The following ABCF1 variants were observed in gnomAD, a reference collection of about 807,000 sequenced individuals.
ABCF1 encodes the protein ATP-binding cassette sub-family F member 1.
Under a neutral mutation model 126.3 loss-of-function variants are expected in ABCF1, and 73 were observed. The ratio of observed to expected loss-of-function variants is 0.58; its 90% CI spans 0.48 to 0.70. The LOEUF is 0.70. Ranked by LOEUF, ABCF1 falls within the 30% of genes least tolerant of loss-of-function variation. ABCF1 has a pLI of 0.00. For missense variants in ABCF1, 786 were observed against 1,057.5 expected (o/e 0.74, Z 3.56); for synonymous variants, 345 against 396.4 (o/e 0.87, Z 1.54).
rs768348606 is a variant in ABCF1 at position 30,579,966 on chromosome 6, C to G, written c.525C>G (p.Gly175=). 5 of 1,611,920 alleles carry G rather than the reference C, an allele frequency of 3.1e-6. No homozygotes were observed. The highest frequency in any genetic ancestry group is 4.2e-6 in the Non-Finnish European group (5 of 1,179,614). Residue 175 remains glycine (G), a synonymous_variant, in exon 7 of 25, where the codon GGC becomes GGG. Coordinates refer to ENST00000326195, the MANE Select transcript of ABCF1 (RefSeq NM_001025091.2). ...VSEEQQPALK[G]KKGKEEKSKG... ...AGGAACAGCAGCCTGCACTCAAGGG[C>G]AAAAAGGGAAAGGAAGAGAAGTCAA...
Position 30,586,028 on chromosome 6 carries a change from G to C in ABCF1, c.1713+37G>C, listed in dbSNP as rs1018195926. On this transcript the variant is annotated intron_variant, in intron 17 of 24. Coordinates refer to ENST00000326195, the MANE Select transcript of ABCF1 (RefSeq NM_001025091.2). This position sits in a 1 kb window ranked among gnomAD's most constrained non-coding sequence, Gnocchi z 4.9. Reference sequence around the variant, plus strand: ...AGGGACTTCTGGGCTGGGGGCCACTGTTCTCTCCTGGCAGTGGAGGAAGAA... The same window carrying C: ...AGGGACTTCTGGGCTGGGGGCCACTCTTCTCTCCTGGCAGTGGAGGAAGAA... The C allele has an allele frequency of 6.3e-7, 1 of 1,595,240 alleles. No individual in the cohort carries two copies. Among genetic ancestry groups the C allele is most frequent in the South Asian group, 1.1e-5 (1 of 89,280 alleles).
At chr6:30,587,989 A>T (rs990713892) in intron 20 of ABCF1, among the ~76,000 whole-genome samples, 2 of 150,746 alleles carry the variant, frequency 1.3e-5, no homozygotes, top group African/African-American at 4.9e-5. Context: ...TGCAACCTCC[A>T]CCTCCCAGGT....
At chr6:30,580,219 C>T (rs910085834) in intron 7 of ABCF1, among the ~76,000 whole-genome samples, 187 bp from the exon 8 acceptor site, 6 of 151,588 alleles carry the variant, frequency 4.0e-5, no homozygotes, top group Admixed American at 1.3e-4. Context: ...TGGTGGCGGG[C>T]GCCTGTAGTC....
Position 30,585,307 on chromosome 6 carries a change from A to G in ABCF1, c.1439A>G (p.Asn480Ser). 1 of 1,613,446 alleles carries G rather than the reference A, an allele frequency of 6.2e-7. No homozygotes were observed. Among genetic ancestry groups the G allele is most frequent in the Non-Finnish European group, 8.5e-7 (1 of 1,179,980 alleles). ...CTGCTGATGCTGGATGAGCCCACCA[A>G]CCACCTGGACCTCAACGCTGTCATC... Reference protein sequence around the residue: ...PTLLMLDEPTNHLDLNAVIWL... With the variant: ...PTLLMLDEPTSHLDLNAVIWL... Residue 480 changes from asparagine to serine, a missense_variant, in exon 15 of 25, where the codon AAC becomes AGC. Transcript: ENST00000326195.
At position 30,586,776 on chromosome 6, in the gene ABCF1, G is replaced by C; in HGVS notation, c.2031+65G>C. 1 of 1,560,912 alleles carries C rather than the reference G, an allele frequency of 6.4e-7. No individual in the cohort carries two copies. Among genetic ancestry groups the C allele is most frequent in the African/African-American group, 1.4e-5 (1 of 73,774 alleles). Reference sequence around the variant, plus strand: ...GAAGACACAGCTGCTTTTGCCAGAAGCTGGAATCAGGGAGCCTCTCGAGAA... The same window carrying C: ...GAAGACACAGCTGCTTTTGCCAGAACCTGGAATCAGGGAGCCTCTCGAGAA... On this transcript the variant is annotated intron_variant, in intron 20 of 24. Coordinates refer to ENST00000326195, the MANE Select transcript of ABCF1 (RefSeq NM_001025091.2). The surrounding 1 kb of genome is among the most constrained non-coding windows in gnomAD (Gnocchi z 4.9).
chr6:30,584,531 C>T lies in ABCF1; in HGVS notation c.1356C>T (p.Phe452=). ...TGCAGAATCGACCCACACAGAAGTT[C>T]TCAGGGGGCTGGCGCATGCGTGTCT... ...PEMQNRPTQK[F]SGGWRMRVSL... Residue 452 remains phenylalanine (F), a synonymous_variant, in exon 14 of 25, where the codon TTC becomes TTT. Coordinates refer to ENST00000326195, the MANE Select transcript of ABCF1 (RefSeq NM_001025091.2). The surrounding 1 kb of genome is among the most constrained non-coding windows in gnomAD (Gnocchi z 4.6). The T allele has an allele frequency of 6.2e-7, 1 of 1,611,402 alleles. No homozygotes were observed. Among genetic ancestry groups the T allele is most frequent in the East Asian group, 2.2e-5 (1 of 44,844 alleles).
chr6:30,578,453 G>A lies in ABCF1; in HGVS notation c.382-17G>A, dbSNP rs780729305. 9 of 1,614,046 alleles carry A rather than the reference G, an allele frequency of 5.6e-6. No individual in the cohort carries two copies. The South Asian group carries it at 9.9e-5, about 18-fold the overall frequency. On this transcript the variant is annotated splice_polypyrimidine_tract_variant and intron_variant, in intron 5 of 24. Transcript: ENST00000326195. Reference sequence around the variant, plus strand: ...CTTGACCATCCTACTGACTTCTGTGGCCCTTTCATTCTCTAGGGTGGTAAT... The same window carrying A: ...CTTGACCATCCTACTGACTTCTGTGACCCTTTCATTCTCTAGGGTGGTAAT...
chr6:30,580,484 A>T lies in ABCF1; in HGVS notation c.643A>T (p.Lys215Ter). The change falls in exon 8 of 25, where the codon AAA (lysine) becomes TAA (stop). Residue 215 changes from lysine to a stop codon, truncating the protein, a stop_gained. Coordinates refer to ENST00000326195, the MANE Select transcript of ABCF1 (RefSeq NM_001025091.2). LOFTEE classifies it high-confidence loss of function. ...EEIIKEKEPP[K>*]QGKEKAKKAE... Reference sequence around the variant, plus strand: ...AATTATAAAGGAAAAGGAGCCTCCCAAACAAGGGAAGGAGAAGGCCAAGAA... The same window carrying T: ...AATTATAAAGGAAAAGGAGCCTCCCTAACAAGGGAAGGAGAAGGCCAAGAA... The T allele has an allele frequency of 6.5e-7, 1 of 1,528,336 alleles. No homozygotes were observed. The allele number at this position is 1,528,336 out of a possible 1,614,324, so 94.7% of individuals were successfully genotyped here. A position where few individuals can be genotyped will look rare whatever the true frequency, so the allele number is the denominator to read the frequency against.
chr6:30,575,613 C>G (rs1801457634), intron 1 of ABCF1, among the ~76,000 whole-genome samples: 1 of 151,914 alleles, frequency 6.6e-6, no homozygotes, highest in Non-Finnish European at 1.5e-5. Flanking sequence ...ACAGGCTAAA[C>G]AGTCTCTCAG....
intron 14 of ABCF1, 55 bp from the exon 15 acceptor site, chr6:30,585,205 G>A: frequency 6.7e-7 from 1 of 1,501,132 alleles, no homozygotes; most frequent in East Asian, 2.3e-5. Context: ...CTCTGGGGTT[G>A]TCTGAGCAAG....
In ABCF1 at chr6:30,577,990, A is replaced by T. The variant is rs1191081892; in HGVS notation, c.216+77A>T. 17 of 1,613,422 alleles carry T rather than the reference A, an allele frequency of 1.1e-5. No homozygotes were observed. The East Asian group carries it at 3.8e-4, about 36-fold the overall frequency. ...ACCCCTTTCCAGCCCATGTTGCTCC[A>T]TTCAGCTGATGGGGAACCCTCTGTG... On this transcript the variant is annotated intron_variant, in intron 3 of 24. Transcript: ENST00000326195.
chr6:30,578,726 G>T, intron 6 of ABCF1, 149 bp downstream of exon 6: 1 of 807,436 alleles, frequency 1.2e-6, no homozygotes. Flanking sequence ...CCCAGGCTGG[G>T]CACAGTGGGT....
In ABCF1 at chr6:30,577,875, A is replaced by G; in HGVS notation, c.178A>G (p.Lys60Glu). Reference protein sequence around the residue: ...KQAGEEEKVLKEKEQQQQQQQ... With the variant: ...KQAGEEEKVLEEKEQQQQQQQ... ...GGCTGGGGAAGAAGAGAAAGTGCTC[A>G]AGGAGAAGGAGCAGCAGCAGCAGCA... The change falls in exon 3 of 25, where the codon AAG becomes GAG. Residue 60 changes from lysine to glutamate, a missense_variant. Lys to Glu is a moderately conservative substitution (Grantham distance 56). Coordinates refer to ENST00000326195, the MANE Select transcript of ABCF1 (RefSeq NM_001025091.2). 6.2e-7 allele frequency: 1 copy of G among 1,614,062 alleles called. No homozygotes were observed. Among genetic ancestry groups the G allele is most frequent in the Non-Finnish European group, 8.5e-7 (1 of 1,180,028 alleles).
chr6:30,576,696 C>G (rs1801522340), intron 1 of ABCF1, among the ~76,000 whole-genome samples: 1 of 152,122 alleles, frequency 6.6e-6, no homozygotes, highest in Non-Finnish European at 1.5e-5. Context: ...GGATTTCCCA[C>G]TATGCTTATT....
At chr6:30,572,490 C>G (rs1801304114) in intron 1 of ABCF1, among the ~76,000 whole-genome samples, 1 of 151,998 alleles carries the variant, frequency 6.6e-6, no homozygotes, top group Non-Finnish European at 1.5e-5. Flanking sequence ...CAAAGCCTCC[C>G]AAGAATATGT....
In ABCF1 at chr6:30,580,530, G is replaced by C; in HGVS notation, c.678+11G>C. ...AAGAAGGCAGAGCAGGTGTGTATTT[G>C]GTGTTGGGGCAAGGTGGAATGAGGG... On this transcript the variant is annotated intron_variant, in intron 8 of 24. Transcript: ENST00000326195. 1 of 1,473,856 alleles carries C rather than the reference G, an allele frequency of 6.8e-7. No homozygotes were observed. The highest frequency in any genetic ancestry group is 2.7e-5 in the East Asian group (1 of 37,378). The allele number at this position is 1,473,856 out of a possible 1,614,324, so 91.3% of individuals were successfully genotyped here. A position where few individuals can be genotyped will look rare whatever the true frequency, so the allele number is the denominator to read the frequency against.
intron 2 of ABCF1, 97 bp from the exon 3 acceptor site, chr6:30,577,721 G>A: frequency 8.4e-7 from 1 of 1,184,000 alleles, no homozygotes; most frequent in Non-Finnish European, 1.2e-6. Flanking sequence ...TAAGGTGAGG[G>A]TGGAGTGGAG....
rs1801907153 is a variant in ABCF1 at position 30,583,025 on chromosome 6, G to C, written c.793-41G>C. ...GCTGTTTCATGGTGATGGGAAACTG[G>C]TAGACTGTGGCTTCAAATGTAGTTT... On this transcript the variant is annotated intron_variant, in intron 9 of 24. Coordinates refer to ENST00000326195, the MANE Select transcript of ABCF1 (RefSeq NM_001025091.2). This position sits in a 1 kb window ranked among gnomAD's most constrained non-coding sequence, Gnocchi z 4.1. The C allele has an allele frequency of 6.3e-7, 1 of 1,587,792 alleles. No homozygotes were observed. The highest frequency in any genetic ancestry group is 1.3e-5 in the African/African-American group (1 of 74,480).
chr6:30,590,252 C>T, intron 23 of ABCF1, 39 bp downstream of exon 23: 4 of 1,612,586 alleles, frequency 2.5e-6, no homozygotes, highest in Non-Finnish European at 3.4e-6. Flanking sequence ...ATAAGGGTAA[C>T]AGTAATGGAA....
Sources: allele counts gnomAD v4.1 joint callset (sites outside exome capture counted in the v4.1 genomes callset), GRCh38; gene constraint gnomAD v4.1.1; non-coding constraint Gnocchi (gnomAD v3.1); transcripts MANE v1.5; gene names NCBI Gene and HGNC (gene_info 2026-07-23, HGNC 2026-07-21).